TMED8: variants seen among roughly 807,000 people sequenced by gnomAD.
TMED8 encodes the protein transmembrane p24 trafficking protein family member 8, also known as protein TMED8.
Under a neutral mutation model 32.7 loss-of-function variants are expected in TMED8, and 15 were observed. That is an observed-to-expected ratio of 0.46 (90% CI 0.31 to 0.71). The LOEUF is 0.71. Ranked by LOEUF, TMED8 falls within the 30% of genes least tolerant of loss-of-function variation. The probability of loss-of-function intolerance (pLI) is 0.06; values close to 1 mark genes in which losing one functional copy is unlikely to be tolerated. For synonymous variants in TMED8, 147 were observed against 161.4 expected (o/e 0.91, Z 0.68); for missense variants, 390 against 423.9 (o/e 0.92, Z 0.70).
In TMED8 at chr14:77,340,042, T is replaced by C. The variant is rs1892857556; in HGVS notation, c.*1729A>G. 1 of 152,220 alleles carries C rather than the reference T, an allele frequency of 6.6e-6. No homozygotes were observed. The highest frequency in any genetic ancestry group is 2.4e-5 in the African/African-American group (1 of 41,464). The allele number at this position is 152,220 out of a possible 1,614,324, so 9.4% of individuals were successfully genotyped here. On this transcript the variant is annotated 3_prime_UTR_variant, in exon 6 of 6. Transcript: ENST00000216468. ...ACACCTCAGAGGAGACAAAGGACTC[T>C]GAAATCCTGGAATCACGGGATATCT...
At chr14:77,351,345 G>A (rs1893169944) in intron 2 of TMED8, among the ~76,000 whole-genome samples, 1 of 151,040 alleles carries the variant, frequency 6.6e-6, no homozygotes, top group South Asian at 2.1e-4. Flanking sequence ...AATTAGCCAG[G>A]CGTGGTGGTG....
chr14:77,347,161 A>AGGGCCCACAGAATTTTAACCTGT (rs1893067746), intron 2 of TMED8, among the ~76,000 whole-genome samples: 1 of 151,726 alleles, frequency 6.6e-6, no homozygotes, highest in African/African-American at 2.4e-5. Flanking sequence ...TGCGGCCCAC[A>AGGGCCCACAGAATTTTAACCTGT]GGGCCCACAG....
chr14:77,363,632 T>C (rs1050468506), intron 1 of TMED8, among the ~76,000 whole-genome samples: 1 of 151,990 alleles, frequency 6.6e-6, no homozygotes, highest in Admixed American at 6.6e-5. Flanking sequence ...CCAGCCTGGG[T>C]GACAGAGTCA....
intron 1 of TMED8, among the ~76,000 whole-genome samples, chr14:77,368,042 G>A (rs1420783617): frequency 1.3e-5 from 2 of 152,138 alleles, no homozygotes; most frequent in Non-Finnish European, 2.9e-5. Flanking sequence ...TCCACCATGA[G>A]CTATCTATCT....
intron 2 of TMED8, among the ~76,000 whole-genome samples, chr14:77,350,596 T>C (rs533677957): frequency 6.6e-6 from 1 of 152,202 alleles, no homozygotes; most frequent in Non-Finnish European, 1.5e-5. Flanking sequence ...ACATCTAAAA[T>C]TGTCTCTTTG....
At chr14:77,367,233 C>T (rs191693541) in intron 1 of TMED8, among the ~76,000 whole-genome samples, 2,796 of 112,012 alleles carry the variant, frequency 0.025, 44 homozygotes, top group Admixed American at 0.059. Flanking sequence ...CAGAGCAAGA[C>T]TCTGTCTAAA....
intron 1 of TMED8, among the ~76,000 whole-genome samples, chr14:77,372,909 TATATATATATATATATA>T (rs1893706317): frequency 2.5e-4 from 2 of 8,040 alleles, no homozygotes; most frequent in African/African-American, 4.1e-4. Flanking sequence ...ACAGATATTA[TATATATATATATATATA>T]TATATATATA....
At chr14:77,368,976 T>G (rs1479501070) in intron 1 of TMED8, among the ~76,000 whole-genome samples, 1 of 152,212 alleles carries the variant, frequency 6.6e-6, no homozygotes, top group African/African-American at 2.4e-5. Context: ...TTTCACTATA[T>G]TGAGATCCGA....
At chr14:77,361,755 T>G (rs1356476547) in intron 1 of TMED8, among the ~76,000 whole-genome samples, 1 of 152,216 alleles carries the variant, frequency 6.6e-6, no homozygotes, top group Non-Finnish European at 1.5e-5. Context: ...CAGTGTTTTA[T>G]AGTCTTAAGT....
chr14:77,339,908 T>G lies in TMED8; in HGVS notation c.*1863A>C, dbSNP rs575248341. ...CCCTTTGATGTGATGTAGATGCTAC[T>G]AGGGACCCACTGGGAAGAGTCCCGT... On this transcript the variant is annotated 3_prime_UTR_variant, in exon 6 of 6. Coordinates refer to ENST00000216468, the MANE Select transcript of TMED8 (RefSeq NM_213601.3). 1 of 152,226 alleles carries G rather than the reference T, an allele frequency of 6.6e-6. No individual in the cohort carries two copies. Among genetic ancestry groups the G allele is most frequent in the Non-Finnish European group, 1.5e-5 (1 of 68,052 alleles). The allele number at this position is 152,226 out of a possible 1,614,324, so 9.4% of individuals were successfully genotyped here. A position where few individuals can be genotyped will look rare whatever the true frequency, so the allele number is the denominator to read the frequency against.
intron 1 of TMED8, among the ~76,000 whole-genome samples, chr14:77,354,399 T>C (rs1050177425): frequency 1.3e-5 from 2 of 152,244 alleles, no homozygotes; most frequent in Non-Finnish European, 2.9e-5. Flanking sequence ...ACCAGGACTT[T>C]ATATACCCTA....
At chr14:77,370,950 GA>G (rs200668025) in intron 1 of TMED8, among the ~76,000 whole-genome samples, 46 of 144,108 alleles carry the variant, frequency 3.2e-4, no homozygotes, top group Non-Finnish European at 3.4e-4. Flanking sequence ...CTCTGTCTCA[GA>G]AAAAAAAAAA....
intron 1 of TMED8, among the ~76,000 whole-genome samples, chr14:77,366,332 C>T (rs535523443): frequency 3.3e-5 from 5 of 152,266 alleles, no homozygotes; most frequent in African/African-American, 9.6e-5. Context: ...CTTCGCAGTA[C>T]CAGGAAGTCA....
At chr14:77,351,224 C>T (rs145907465) in intron 2 of TMED8, among the ~76,000 whole-genome samples, 1 of 150,946 alleles carries the variant, frequency 6.6e-6, no homozygotes, top group Admixed American at 6.6e-5. Context: ...CGGTGGCTCA[C>T]GCCTGTAATC....
At chr14:77,372,906 T>TTTTATA (rs1227686477) in intron 1 of TMED8, among the ~76,000 whole-genome samples, 19 of 35,342 alleles carry the variant, frequency 5.4e-4, no homozygotes, top group South Asian at 1.6e-3. Flanking sequence ...GCCACAGATA[T>TTTTATA]TATATATATA....
chr14:77,375,658 G>T (rs1893795494), intron 1 of TMED8, among the ~76,000 whole-genome samples: 1 of 152,154 alleles, frequency 6.6e-6, no homozygotes, highest in African/African-American at 2.4e-5. Context: ...TGAGTTGTGT[G>T]TGTGTTTGAA....
chr14:77,377,084 C>G lies in TMED8; in HGVS notation c.-31G>C, dbSNP rs545008118. The G allele has an allele frequency of 7.7e-7, 1 of 1,306,676 alleles. No homozygotes were observed. The highest frequency in any genetic ancestry group is 1.8e-5 in the South Asian group (1 of 54,084). The allele number at this position is 1,306,676 out of a possible 1,614,324, so 80.9% of individuals were successfully genotyped here. ...GCCCGCGCACGGAGCTCTCCGCTGC[C>G]AGCCGCGAGTGGCTCCGGAAACAGC... is the stretch of plus-strand genomic sequence containing the variant. On this transcript the variant is annotated 5_prime_UTR_variant, in exon 1 of 6. Coordinates refer to ENST00000216468, the MANE Select transcript of TMED8 (RefSeq NM_213601.3).
chr14:77,355,353 C>G (rs1028619090), intron 1 of TMED8, among the ~76,000 whole-genome samples: 1 of 151,996 alleles, frequency 6.6e-6, no homozygotes, highest in Non-Finnish European at 1.5e-5. Flanking sequence ...CACCACCACA[C>G]CCGGCTAATT....
rs577213141 is a variant in TMED8 at position 77,336,799 on chromosome 14, C to T, written c.*4972G>A. On this transcript the variant is annotated 3_prime_UTR_variant, in exon 6 of 6. Transcript: ENST00000216468. ...ATATTAGGGTCACTCAATTCCACAC[C>T]TTAGAACCACTGGGGTTAAAAGGCA... The T allele has an allele frequency of 6.5e-4, 99 of 152,282 alleles. No individual in the cohort carries two copies. Among genetic ancestry groups the T allele is most frequent in the African/African-American group, 2.1e-3 (89 of 41,542 alleles). 9.4% of individuals were successfully genotyped at this position (152,282 alleles called of 1,614,324 possible). A position where few individuals can be genotyped will look rare whatever the true frequency, so the allele number is the denominator to read the frequency against.
Sources: gnomAD v4.1 joint callset for allele counts (sites outside exome capture counted in the v4.1 genomes callset) on GRCh38, gnomAD v4.1.1 for gene constraint, MANE v1.5 for transcripts, NCBI Gene and HGNC (gene_info 2026-07-23, HGNC 2026-07-21) for gene names.